Variants in ABCC4 observed in about 807,000 individuals in gnomAD.
ABCC4 encodes the protein ATP-binding cassette sub-family C member 4.
ABCC4 carries 102 observed loss-of-function variants against 168.5 expected under a neutral mutation model. That is an observed-to-expected ratio of 0.61 (90% CI 0.52 to 0.71). The LOEUF (loss-of-function observed/expected upper bound fraction) is 0.71. ABCC4 is among the 30% of genes least tolerant of loss of function. The pLI, the probability that ABCC4 is intolerant of heterozygous loss-of-function variation, is 0.00. For missense variants in ABCC4, 1,402 were observed against 1,605.8 expected, an observed-to-expected ratio of 0.87 and a Z score of 2.17; for synonymous variants, 617 against 590.7, an observed-to-expected ratio of 1.04 and a Z score of -0.65.
chr13:95,127,034 A>C (rs2035805850), intron 19 of ABCC4, among the ~76,000 whole-genome samples: 1 of 151,836 alleles, frequency 6.6e-6, no homozygotes, highest in Non-Finnish European at 1.5e-5. Context: ...AAACAGTTTA[A>C]GATACACATT....
intron 1 of ABCC4, among the ~76,000 whole-genome samples, chr13:95,254,327 T>C (rs1361344550): frequency 1.3e-5 from 2 of 152,118 alleles, no homozygotes; most frequent in African/African-American, 4.8e-5. Flanking sequence ...TTTATATATA[T>C]AAAATAGTTT....
chr13:95,138,970 C>T (rs1348462755), intron 19 of ABCC4, among the ~76,000 whole-genome samples: 1 of 152,154 alleles, frequency 6.6e-6, no homozygotes. Context: ...GTGAGAGATC[C>T]TTCAAGGCTC....
At chr13:95,295,740 G>A (rs1043856279) in intron 1 of ABCC4, among the ~76,000 whole-genome samples, 23 of 151,702 alleles carry the variant, frequency 1.5e-4, no homozygotes, top group East Asian at 3.9e-4. Flanking sequence ...CAAGGAGGGC[G>A]GATCACAAGG....
chr13:95,203,430 G>C (rs2038688303), intron 8 of ABCC4, among the ~76,000 whole-genome samples: 1 of 149,452 alleles, frequency 6.7e-6, no homozygotes, highest in Non-Finnish European at 1.5e-5. Flanking sequence ...TCCACTTTTT[G>C]GGTTCAAGCA....
chr13:95,161,356 T>C, intron 18 of ABCC4, 21 bp from the exon 19 acceptor site: 2 of 1,555,530 alleles, frequency 1.3e-6, no homozygotes, highest in Non-Finnish European at 1.7e-6. Context: ...GAAATATCAC[T>C]TAGAGAACAC....
intron 20 of ABCC4, among the ~76,000 whole-genome samples, chr13:95,105,096 G>A (rs1402709536): frequency 6.6e-6 from 1 of 151,804 alleles, no homozygotes; most frequent in Admixed American, 6.6e-5. Context: ...GCAACTAGAT[G>A]GTCCCATCTG....
intron 1 of ABCC4, among the ~76,000 whole-genome samples, chr13:95,300,616 G>C (rs1204313664): frequency 6.6e-6 from 1 of 152,148 alleles, no homozygotes; most frequent in African/African-American, 2.4e-5. Context: ...AAAAGATACA[G>C]AGACACCGGG....
At chr13:95,135,494 C>A (rs1157191389) in intron 19 of ABCC4, among the ~76,000 whole-genome samples, 1 of 150,772 alleles carries the variant, frequency 6.6e-6, no homozygotes, top group Non-Finnish European at 1.5e-5. Context: ...CTCACTGTAG[C>A]CTTGACCTCT....
intron 21 of ABCC4, among the ~76,000 whole-genome samples, chr13:95,077,166 G>A (rs879495174): frequency 6.6e-6 from 1 of 152,156 alleles, no homozygotes; most frequent in Non-Finnish European, 1.5e-5. Context: ...GCCATACTGG[G>A]GCAGGTGCAT....
chr13:95,078,545 G>A (rs563871208), intron 21 of ABCC4, among the ~76,000 whole-genome samples: 4 of 152,296 alleles, frequency 2.6e-5, no homozygotes, highest in Admixed American at 6.5e-5. Flanking sequence ...TGACATGACC[G>A]TAAGAGGACT....
At chr13:95,284,792 T>C (rs952823962) in intron 1 of ABCC4, among the ~76,000 whole-genome samples, 1 of 152,182 alleles carries the variant, frequency 6.6e-6, no homozygotes, top group Non-Finnish European at 1.5e-5. Flanking sequence ...CCTACCTGGT[T>C]TGAACCTAGG....
intron 20 of ABCC4, among the ~76,000 whole-genome samples, chr13:95,099,103 C>T (rs1348335253): frequency 6.6e-6 from 1 of 152,118 alleles, no homozygotes; most frequent in African/African-American, 2.4e-5. Context: ...TAAAAACTGG[C>T]AACAATTCAA....
chr13:95,247,462 C>A (rs4148435), intron 2 of ABCC4, among the ~76,000 whole-genome samples, 181 bp downstream of exon 2: 137,246 of 152,074 alleles, frequency 0.9, 62,063 homozygotes, highest in African/African-American at 0.94. Flanking sequence ...GAGGCACAGG[C>A]AACAGGAGTT....
intron 19 of ABCC4, among the ~76,000 whole-genome samples, chr13:95,154,989 T>C (rs1054617941): frequency 1.2e-4 from 19 of 152,218 alleles, no homozygotes; most frequent in Non-Finnish European, 2.4e-4. Flanking sequence ...CATCAGATTT[T>C]ATAGAGTATC....
intron 1 of ABCC4, among the ~76,000 whole-genome samples, chr13:95,298,457 A>C (rs1236364690): frequency 6.6e-6 from 1 of 152,090 alleles, no homozygotes; most frequent in Admixed American, 6.6e-5. Context: ...CCACACACCC[A>C]GTGTTTCCAG....
chr13:95,043,943 C>T (rs983470446), intron 28 of ABCC4, among the ~76,000 whole-genome samples, 156 bp from the exon 29 acceptor site: 2 of 151,950 alleles, frequency 1.3e-5, no homozygotes, highest in Admixed American at 6.6e-5. Context: ...CAATCTTATT[C>T]TTTAAAAACA....
intron 8 of ABCC4, among the ~76,000 whole-genome samples, chr13:95,203,352 T>C (rs916773806): frequency 1.5e-4 from 23 of 150,682 alleles, no homozygotes; most frequent in African/African-American, 5.1e-4. Context: ...TTTTTTTTTT[T>C]TGGAGACAGA....
At chr13:95,212,856 G>A (rs961964031) in intron 4 of ABCC4, among the ~76,000 whole-genome samples, 8 of 152,112 alleles carry the variant, frequency 5.3e-5, no homozygotes, top group African/African-American at 9.7e-5. Context: ...TGCCAGGTGC[G>A]GTGGCTCACA....
At chr13:95,150,901 G>T (rs2036652279) in intron 19 of ABCC4, among the ~76,000 whole-genome samples, 1 of 152,180 alleles carries the variant, frequency 6.6e-6, no homozygotes, top group Non-Finnish European at 1.5e-5. Context: ...TAGAGATTAT[G>T]ATCTGAAATA....
Sources: allele counts gnomAD v4.1 joint callset (sites outside exome capture counted in the v4.1 genomes callset), GRCh38; gene constraint gnomAD v4.1.1; transcripts MANE v1.5; gene names NCBI Gene and HGNC (gene_info 2026-07-23, HGNC 2026-07-21).